Variants in TDRD15 observed in about 807,000 individuals in gnomAD.
TDRD15 encodes the protein tudor domain containing 15.
For synonymous variants in TDRD15, 503 were observed against 314.5 expected (o/e 1.60, Z -6.34); for missense variants, 1,416 against 904.7 (o/e 1.57, Z -7.25).
chr2:21,128,968 G>T (rs1205302822), intron 2 of TDRD15, among the ~76,000 whole-genome samples: 1 of 150,832 alleles, frequency 6.6e-6, no homozygotes, highest in Non-Finnish European at 1.5e-5. Flanking sequence ...ACAGAGTCTT[G>T]CTCTGTCTAC....
intron 2 of TDRD15, among the ~76,000 whole-genome samples, chr2:21,133,133 A>G (rs1358041963): frequency 2.0e-5 from 3 of 152,176 alleles, no homozygotes; most frequent in Admixed American, 1.3e-4. Flanking sequence ...TAGTATATCC[A>G]GTTTTATTTT....
chr2:21,128,834 A>G (rs1345903279), intron 2 of TDRD15, among the ~76,000 whole-genome samples: 4 of 150,470 alleles, frequency 2.7e-5, no homozygotes, highest in Admixed American at 2.6e-4. Flanking sequence ...GAAGAAATGT[A>G]TGGCCATTTA....
chr2:21,146,194 C>T (rs1666026803), downstream of TDRD15, among the ~76,000 whole-genome samples: 1 of 151,878 alleles, frequency 6.6e-6, no homozygotes, highest in African/African-American at 2.4e-5. Context: ...ATTTGAAGTC[C>T]AGACTATACC....
downstream of TDRD15, among the ~76,000 whole-genome samples, chr2:21,144,768 A>C (rs1423817936): frequency 1.3e-5 from 2 of 151,982 alleles, no homozygotes; most frequent in African/African-American, 4.8e-5. Context: ...AAGGAGAAAG[A>C]TAATTCTTAA....
intron 2 of TDRD15, among the ~76,000 whole-genome samples, chr2:21,131,621 A>G (rs181156286): frequency 1.3e-5 from 2 of 152,336 alleles, no homozygotes; most frequent in East Asian, 1.9e-4. Context: ...AGAAGCAGAT[A>G]TGAGAATCCA....
Position 21,138,533 on chromosome 2 carries a change from C to T in TDRD15, c.1066C>T (p.Leu356=). ...ACCATTATTTTCATTTCCATGTTCT[C>T]TGACATGTTTGCACAGTCCAGATAG... ...LVPLFSFPCS[L]TCLHSPDRDA... Residue 356 remains leucine (L), a synonymous_variant, in exon 4 of 4, where the codon CTG becomes TTG. Coordinates refer to ENST00000405799, the MANE Select transcript of TDRD15 (RefSeq NM_001306137.2). The T allele has an allele frequency of 1.4e-6, 1 of 715,896 alleles. No individual in the cohort carries two copies. 44.3% of individuals were successfully genotyped at this position (715,896 alleles called of 1,614,324 possible). A position where few individuals can be genotyped will look rare whatever the true frequency, so the allele number is the denominator to read the frequency against.
rs1371481935 is a variant in TDRD15 at position 21,142,663 on chromosome 2, T to C, written c.5196T>C (p.Asp1732=). Residue 1732 remains aspartate (D), a synonymous_variant, in exon 4 of 4, where the codon GAT becomes GAC. Coordinates refer to ENST00000405799, the MANE Select transcript of TDRD15 (RefSeq NM_001306137.2). ...KSFTWVQFQN[D]RQYSGIATAV... ...TTACTTGGGTTCAATTCCAAAATGATAGGCAGTATTCTGGTATTGCAACTG... is the reference window on the plus strand; with the variant it reads ...TTACTTGGGTTCAATTCCAAAATGACAGGCAGTATTCTGGTATTGCAACTG... 1.4e-6 allele frequency: 1 copy of C among 712,204 alleles called. No individual in the cohort carries two copies. Among genetic ancestry groups the C allele is most frequent in the African/African-American group, 1.8e-5 (1 of 57,098 alleles). 44.1% of individuals were successfully genotyped at this position (712,204 alleles called of 1,614,324 possible). A position where few individuals can be genotyped will look rare whatever the true frequency, so the allele number is the denominator to read the frequency against.
Position 21,139,349 on chromosome 2 carries a change from C to T in TDRD15, c.1882C>T (p.Gln628Ter). 1.4e-6 allele frequency: 1 copy of T among 700,490 alleles called. No individual in the cohort carries two copies. Among genetic ancestry groups the T allele is most frequent in the Non-Finnish European group, 2.6e-6 (1 of 380,342 alleles). The allele number at this position is 700,490 out of a possible 1,614,324, so 43.4% of individuals were successfully genotyped here. A position where few individuals can be genotyped will look rare whatever the true frequency, so the allele number is the denominator to read the frequency against. Residue 628 changes from glutamine to a stop codon, truncating the protein, a stop_gained, in exon 4 of 4, where the codon CAG (glutamine) becomes TAG (stop). Transcript: ENST00000405799. LOFTEE classifies it low-confidence loss of function (END_TRUNC). ...AGTTTTGAACAAAGCAATTTTGCTT[C>T]AGGTTATAGCAAAAAAAGATGACAA... ...KLVLNKAILL[Q>*]VIAKKDDKYT... is the part of the protein sequence containing the mutation.
chr2:21,129,601 C>T (rs1665679302), intron 2 of TDRD15, among the ~76,000 whole-genome samples: 1 of 152,046 alleles, frequency 6.6e-6, no homozygotes, highest in Non-Finnish European at 1.5e-5. Flanking sequence ...TGCATTAAGC[C>T]CCTTATCAGA....
Position 21,138,513 on chromosome 2 carries a change from T to C in TDRD15, c.1046T>C (p.Leu349Ser). Reference sequence around the variant, plus strand: ...AAACAGGATTTTATTTTAGTACCATTATTTTCATTTCCATGTTCTCTGACA... The same window carrying C: ...AAACAGGATTTTATTTTAGTACCATCATTTTCATTTCCATGTTCTCTGACA... ...KLKQDFILVP[L>S]FSFPCSLTCL... Residue 349 changes from leucine to serine, a missense_variant, in exon 4 of 4, where the codon TTA (leucine) becomes TCA (serine). By Grantham distance (145) the Leu-to-Ser change is moderately radical. Transcript: ENST00000405799. 1.4e-6 allele frequency: 1 copy of C among 716,082 alleles called. No individual in the cohort carries two copies. Among genetic ancestry groups the C allele is most frequent in the South Asian group, 1.5e-5 (1 of 67,460 alleles). The allele number at this position is 716,082 out of a possible 1,614,324, so 44.4% of individuals were successfully genotyped here. A position where few individuals can be genotyped will look rare whatever the true frequency, so the allele number is the denominator to read the frequency against.
rs1481799480 is a variant in TDRD15, at chr2:21,143,444, A to G, written c.*172A>G. Among the ~76,000 whole-genome samples the G allele has an allele frequency of 1.3e-5, 2 of 151,614 alleles. No individual in the cohort carries two copies. Among genetic ancestry groups the G allele is most frequent in the Non-Finnish European group, 3.0e-5 (2 of 67,636 alleles). ...ATTAGTAAAAGATCACATTCTAGAA[A>G]TTTAACAGTGAGAAAGAAAGTTGGT... On this transcript the variant is annotated 3_prime_UTR_variant, in exon 4 of 4. Coordinates refer to ENST00000405799, the MANE Select transcript of TDRD15 (RefSeq NM_001306137.2).
intron 2 of TDRD15, among the ~76,000 whole-genome samples, chr2:21,132,521 G>T (rs1441257304): frequency 2.6e-5 from 4 of 152,066 alleles, no homozygotes; most frequent in Non-Finnish European, 4.4e-5. Flanking sequence ...ATATGCTCTG[G>T]AGATGAACCC....
intron 2 of TDRD15, among the ~76,000 whole-genome samples, chr2:21,127,962 T>A (rs1384765591): frequency 6.6e-6 from 1 of 152,184 alleles, no homozygotes; most frequent in African/African-American, 2.4e-5. Context: ...ATTTTGTAAG[T>A]GTTTCAACAA....
At chr2:21,137,318 A>G in intron 3 of TDRD15, 147 bp from the exon 4 acceptor site, 1 of 419,822 alleles carries the variant, frequency 2.4e-6, no homozygotes. Flanking sequence ...CCAGCGTCTC[A>G]TTCGATATGT....
At position 21,144,262 on chromosome 2, in the gene TDRD15, A is replaced by G. The variant is rs999139448; in HGVS notation, c.*990A>G. On this transcript the variant is annotated 3_prime_UTR_variant, in exon 4 of 4. Coordinates refer to ENST00000405799, the MANE Select transcript of TDRD15 (RefSeq NM_001306137.2). ...TTGTCTGATTTTGTTTATCCACATT[A>G]CATTCATTTTCTGTATGGATTAGTT... 2.6e-5 allele frequency among the ~76,000 whole-genome samples: 4 copies of G among 151,834 alleles called. No individual in the cohort carries two copies. The highest frequency in any genetic ancestry group is 9.7e-5 in the African/African-American group (4 of 41,418).
rs1416399572 is a variant in TDRD15, at chr2:21,142,338, A to C, written c.4871A>C (p.Lys1624Thr). 2.9e-6 allele frequency: 2 copies of C among 688,678 alleles called. No homozygotes were observed. Among genetic ancestry groups the C allele is most frequent in the Non-Finnish European group, 5.3e-6 (2 of 375,484 alleles). 42.7% of individuals were successfully genotyped at this position (688,678 alleles called of 1,614,324 possible). A position where few individuals can be genotyped will look rare whatever the true frequency, so the allele number is the denominator to read the frequency against. Residue 1624 changes from lysine (K) to threonine (T), a missense_variant, in exon 4 of 4, where the codon AAG becomes ACG. Lys to Thr is a moderately conservative substitution (Grantham distance 78, BLOSUM62 -1). Transcript: ENST00000405799. ...GAAATAGTACCTGTATGTAATACCA[A>C]GCTGCTTAGTAATGAAATAAGAAAC... ...IYEIVPVCNTKLLSNEIRNIP... is the reference protein window; with the variant it reads ...IYEIVPVCNTTLLSNEIRNIP...
rs77965176 is a variant in TDRD15 at position 21,131,226 on chromosome 2, G to T, written c.-90+3515G>T. On this transcript the variant is annotated intron_variant, in intron 2 of 3. Coordinates refer to ENST00000405799, the MANE Select transcript of TDRD15 (RefSeq NM_001306137.2). ...GATGACTTTTCTGATGAGATTGCTG[G>T]TGATACCAATCAGTTTTGTTTGGGG... 4.7e-3 allele frequency among the ~76,000 whole-genome samples: 717 copies of T among 152,274 alleles called. 2 individuals carry two copies. Among genetic ancestry groups the T allele is most frequent in the African/African-American group, 0.016 (678 of 41,552 alleles).
At chr2:21,135,823 C>T (rs1371430125) in intron 3 of TDRD15, among the ~76,000 whole-genome samples, 1 of 151,954 alleles carries the variant, frequency 6.6e-6, no homozygotes, top group Admixed American at 6.6e-5. Context: ...ATGTGGAATT[C>T]CCCAGGAGTC....
At chr2:21,146,526 A>C (rs6715257), downstream of TDRD15, among the ~76,000 whole-genome samples, 12,253 of 152,032 alleles carry the variant, frequency 0.081, 647 homozygotes, top group East Asian at 0.14. Flanking sequence ...GCTTGCCCAC[A>C]TGCTTGTTTT....
Sources: gnomAD v4.1 joint callset for allele counts (sites outside exome capture counted in the v4.1 genomes callset) on GRCh38, gnomAD v4.1.1 for gene constraint, MANE v1.5 for transcripts, NCBI Gene and HGNC (gene_info 2026-07-23, HGNC 2026-07-21) for gene names.